Variants in BCL7A observed in about 807,000 individuals in gnomAD.
The protein encoded by BCL7A is BAF chromatin remodeling complex subunit BCL7A.
BCL7A carries 11 observed loss-of-function variants against 28.4 expected under a neutral mutation model. The observed-to-expected ratio is 0.39, with a 90% CI of 0.24 to 0.64. BCL7A has a LOEUF of 0.64. BCL7A is among the 30% of genes least tolerant of loss of function. The pLI is 0.50. For synonymous variants in BCL7A, 123 were observed against 103.3 expected (o/e 1.19, Z -1.15); for missense variants, 222 against 274.8 (o/e 0.81, Z 1.36).
chr12:122,054,764 C>A (rs760550517), intron 4 of BCL7A, 41 bp from the exon 5 acceptor site: 2 of 1,596,694 alleles, frequency 1.3e-6, no homozygotes, highest in African/African-American at 1.3e-5. Context: ...CCGCCTCTCA[C>A]GTGTCTGAAA....
At chr12:122,052,101 T>A (rs1226191271) in intron 4 of BCL7A, among the ~76,000 whole-genome samples, 1 of 151,956 alleles carries the variant, frequency 6.6e-6, no homozygotes, top group Admixed American at 6.6e-5. Flanking sequence ...TCTTGAACTC[T>A]TGACCTCAAG....
intron 4 of BCL7A, among the ~76,000 whole-genome samples, chr12:122,053,206 G>T (rs1006710816): frequency 3.3e-5 from 5 of 152,214 alleles, no homozygotes; most frequent in Non-Finnish European, 5.9e-5. Context: ...ATGTTGGCCA[G>T]GCTGGTCTTG....
intron 4 of BCL7A, among the ~76,000 whole-genome samples, chr12:122,049,497 C>A (rs970426371): frequency 6.6e-6 from 1 of 152,048 alleles, no homozygotes; most frequent in Non-Finnish European, 1.5e-5. Context: ...GCCTGGCCAA[C>A]ATAGTGAAAC....
chr12:122,035,338 A>G lies in BCL7A; in HGVS notation c.182A>G (p.Lys61Arg). The change falls in exon 3 of 6, where the codon AAG (lysine) becomes AGG (arginine). Residue 61 changes from lysine to arginine, a missense_variant. By Grantham distance (26) the Lys-to-Arg change is conservative. Around this residue, in one of 2 missense-constraint regions of BCL7A, gnomAD observed 67 missense variants for 129.1 expected, o/e 0.52. Transcript: ENST00000261822. ...VTEPKVDDKN[K>R]NKKKGKDEKC... ...CTCCATTTTCCCCTGCAGAAAAACAAGAATAAGAAAAAAGGCAAGGACGAG... is the reference window on the plus strand; with the variant it reads ...CTCCATTTTCCCCTGCAGAAAAACAGGAATAAGAAAAAAGGCAAGGACGAG... The G allele has an allele frequency of 6.2e-7, 1 of 1,614,110 alleles. No homozygotes were observed. Among genetic ancestry groups the G allele is most frequent in the Non-Finnish European group, 8.5e-7 (1 of 1,179,932 alleles).
At chr12:122,033,689 C>T (rs1883788718) in intron 2 of BCL7A, among the ~76,000 whole-genome samples, 1 of 152,098 alleles carries the variant, frequency 6.6e-6, no homozygotes, top group Non-Finnish European at 1.5e-5. Flanking sequence ...ACTCCTGGCC[C>T]CAAGCCATCC....
At chr12:122,023,974 C>A (rs1228890482) in intron 1 of BCL7A, among the ~76,000 whole-genome samples, 1 of 152,196 alleles carries the variant, frequency 6.6e-6, no homozygotes, top group African/African-American at 2.4e-5. Context: ...ACTCCAGGTT[C>A]CCGGCTGGAC....
intron 2 of BCL7A, among the ~76,000 whole-genome samples, chr12:122,033,605 C>T (rs1245115417): frequency 1.3e-5 from 2 of 152,192 alleles, no homozygotes; most frequent in Non-Finnish European, 2.9e-5. Context: ...AGCCACCACG[C>T]CCAGCCACAC....
chr12:122,058,975 T>A, intron 5 of BCL7A, 117 bp from the exon 6 acceptor site: 1 of 826,778 alleles, frequency 1.2e-6, no homozygotes, highest in Non-Finnish European at 2.0e-6. Context: ...ACTGCTGGTC[T>A]GAACCACAAA....
rs1951924534 is a variant in BCL7A at position 122,061,667 on chromosome 12, C to T, written c.*2504C>T. 4.4e-6 allele frequency: 1 copy of T among 228,218 alleles called. No homozygotes were observed. Among genetic ancestry groups the T allele is most frequent in the Non-Finnish European group, 8.7e-6 (1 of 114,686 alleles). 14.1% of individuals were successfully genotyped at this position (228,218 alleles called of 1,614,324 possible). On this transcript the variant is annotated 3_prime_UTR_variant, in exon 6 of 6. Transcript: ENST00000261822. The stretch of plus-strand genomic sequence containing the variant: ...CAAAAGCCTTCCGTGGACATCAGGC[C>T]CCGTGGCCTCAAGGGCTCCCAGGGC...
chr12:122,023,726 A>G (rs554422838), intron 1 of BCL7A, among the ~76,000 whole-genome samples: 1 of 152,290 alleles, frequency 6.6e-6, no homozygotes, highest in South Asian at 2.1e-4. Context: ...GACTGGAGCC[A>G]TTTAAAAATG....
chr12:122,038,665 C>T (rs1032186461), intron 3 of BCL7A, among the ~76,000 whole-genome samples: 8 of 152,048 alleles, frequency 5.3e-5, no homozygotes, highest in African/African-American at 1.2e-4. Context: ...GGATTACAGA[C>T]GCAGAATTAC....
chr12:122,035,434 GCC>G lies in BCL7A; in HGVS notation c.271+9_271+10del, dbSNP rs1256656202. ...GGGATGATGGACATGCATGGTGAGTGCCCATGGCCTGCCAGCCTCTCCTGCCC... is the reference window on the plus strand; with the variant it reads ...GGGATGATGGACATGCATGGTGAGTGCATGGCCTGCCAGCCTCTCCTGCCC... On this transcript the variant is annotated splice_region_variant and intron_variant, in intron 3 of 5. Coordinates refer to ENST00000261822, the MANE Select transcript of BCL7A (RefSeq NM_001024808.3). The G allele has an allele frequency of 6.2e-7, 1 of 1,612,280 alleles. No individual in the cohort carries two copies. The highest frequency in any genetic ancestry group is 1.7e-5 in the Admixed American group (1 of 59,988).
rs569702350 is a variant in BCL7A, at chr12:122,059,485, T to C, written c.*322T>C. On this transcript the variant is annotated 3_prime_UTR_variant, in exon 6 of 6. Coordinates refer to ENST00000261822, the MANE Select transcript of BCL7A (RefSeq NM_001024808.3). The surrounding 1 kb of genome is among the most constrained non-coding windows in gnomAD (Gnocchi z 4.0). ...GCTGTATTTTCCCCCCACTTCTCTATGTAACGATATAAGCTATCGGAGGGT... is the reference window on the plus strand; with the variant it reads ...GCTGTATTTTCCCCCCACTTCTCTACGTAACGATATAAGCTATCGGAGGGT... 2.3e-4 allele frequency: 75 copies of C among 325,570 alleles called. No individual in the cohort carries two copies. The highest frequency in any genetic ancestry group is 1.4e-3 in the African/African-American group (66 of 48,388). The allele number at this position is 325,570 out of a possible 1,614,324, so 20.2% of individuals were successfully genotyped here.
At chr12:122,025,176 T>A (rs1593021068) in intron 1 of BCL7A, among the ~76,000 whole-genome samples, 2 of 152,156 alleles carry the variant, frequency 1.3e-5, no homozygotes, top group African/African-American at 2.4e-5. Flanking sequence ...CCCAGGGCGA[T>A]GGTAGGAGAC....
intron 1 of BCL7A, among the ~76,000 whole-genome samples, chr12:122,022,983 T>C (rs1883505265): frequency 2.0e-5 from 3 of 152,162 alleles, no homozygotes; most frequent in East Asian, 1.9e-4. Context: ...CACCGGGAGC[T>C]CGTGTTTGTT....
Position 122,043,922 on chromosome 12 carries a change from C to A in BCL7A, c.308C>A (p.Ser103Tyr), listed in dbSNP as rs1222298466. 6.2e-7 allele frequency: 1 copy of A among 1,613,802 alleles called. No individual in the cohort carries two copies. The highest frequency in any genetic ancestry group is 8.5e-7 in the Non-Finnish European group (1 of 1,179,978). The stretch of plus-strand genomic sequence containing the variant: ...AACCAGAGCTCCATCGCAGATGCCT[C>A]CCCCATCAAACAGGAGAACAGCAGC... ...NSNQSSIADA[S>Y]PIKQENSSNS... Residue 103 changes from serine to tyrosine, a missense_variant, in exon 4 of 6, where the codon TCC becomes TAC. Transcript: ENST00000261822.
At chr12:122,022,446 G>T (rs1184421009) in intron 1 of BCL7A, among the ~76,000 whole-genome samples, 3 of 145,202 alleles carry the variant, frequency 2.1e-5, no homozygotes, top group East Asian at 2.0e-4. Context: ...CGGGCGCCGG[G>T]GCCAGGCGGT....
Position 122,024,972 on chromosome 12 carries a change from C to T in BCL7A, c.92+2789C>T, listed in dbSNP as rs80138760. Among the ~76,000 whole-genome samples, 182 of 149,208 alleles carry T rather than the reference C, an allele frequency of 1.2e-3. 4 individuals are homozygous for T. In the East Asian group the frequency reaches 0.035, roughly 28 times the overall value. On this transcript the variant is annotated intron_variant, in intron 1 of 5. Transcript: ENST00000261822. Reference sequence around the variant, plus strand: ...CACTGTCCCCTGATGCTTCCCCCACCCCCGGAAAAAGCTGTGGCCTCCCTC... The same window carrying T: ...CACTGTCCCCTGATGCTTCCCCCACTCCCGGAAAAAGCTGTGGCCTCCCTC...
At position 122,029,791 on chromosome 12, in the gene BCL7A, C is replaced by T. The variant is rs930339968; in HGVS notation, c.93-909C>T. Among the ~76,000 whole-genome samples, 16 of 151,986 alleles carry T rather than the reference C, an allele frequency of 1.1e-4. No individual in the cohort carries two copies. The highest frequency in any genetic ancestry group is 1.6e-4 in the Non-Finnish European group (11 of 68,000). ...GGGTGTGGCTGCTGGGTCTTCGTGG[C>T]GGTAAGGGACAAGTCGGAGTGCAGG... On this transcript the variant is annotated intron_variant, in intron 1 of 5. Transcript: ENST00000261822. The surrounding 1 kb of genome is among the most constrained non-coding windows in gnomAD (Gnocchi z 4.3).
Sources: allele counts gnomAD v4.1 joint callset (sites outside exome capture counted in the v4.1 genomes callset), GRCh38; gene constraint gnomAD v4.1.1; regional missense constraint gnomAD v4.1.1; non-coding constraint Gnocchi (gnomAD v3.1); transcripts MANE v1.5; gene names NCBI Gene and HGNC (gene_info 2026-07-23, HGNC 2026-07-21).